POU6F2: variants seen among roughly 807,000 people sequenced by gnomAD.
POU6F2 encodes the protein POU domain, class 6, transcription factor 2.
POU6F2 carries 31 observed loss-of-function variants against 71.3 expected under a neutral mutation model. The observed-to-expected ratio is 0.43, with a 90% confidence interval of 0.33 to 0.59. The LOEUF (loss-of-function observed/expected upper bound fraction) is 0.59. Among genes scored for constraint, POU6F2 ranks in the 20% least tolerant of loss-of-function variants. POU6F2 has a pLI of 0.04. For missense variants in POU6F2, 783 were observed against 856.8 expected, an observed-to-expected ratio of 0.91 and a Z score of 1.07; for synonymous variants, 347 against 355.7, an observed-to-expected ratio of 0.98 and a Z score of 0.27.
chr7:39,217,586 T>C (rs1562751018), intron 4 of POU6F2, among the ~76,000 whole-genome samples: 1 of 152,230 alleles, frequency 6.6e-6, no homozygotes, highest in African/African-American at 2.4e-5. Context: ...TAGTATGCAA[T>C]GATACGTGGC....
chr7:39,317,860 T>A (rs1442912917), intron 4 of POU6F2, among the ~76,000 whole-genome samples: 2 of 152,170 alleles, frequency 1.3e-5, no homozygotes, highest in Non-Finnish European at 2.9e-5. Context: ...GTTTGATGAG[T>A]TCCAAGGACC....
At chr7:39,085,643 T>TG in intron 1 of POU6F2, 1 of 429,082 alleles carries the variant, frequency 2.3e-6, no homozygotes, top group Non-Finnish European at 4.2e-6. Context: ...TTTAATAGGG[T>TG]GGGGAGTAAT....
chr7:39,356,459 A>T (rs925537529), intron 5 of POU6F2, among the ~76,000 whole-genome samples: 1 of 151,870 alleles, frequency 6.6e-6, no homozygotes, highest in Non-Finnish European at 1.5e-5. Flanking sequence ...ACTTTCCTGA[A>T]CTCGTATATT....
At chr7:39,357,422 C>T (rs1342981826) in intron 5 of POU6F2, among the ~76,000 whole-genome samples, 3 of 152,198 alleles carry the variant, frequency 2.0e-5, no homozygotes, top group African/African-American at 7.2e-5. Context: ...AAGCTGGTAA[C>T]TCATCAAAAG....
At chr7:39,353,611 T>TAA (rs1786189221) in intron 5 of POU6F2, among the ~76,000 whole-genome samples, 7 of 152,208 alleles carry the variant, frequency 4.6e-5, no homozygotes, top group Non-Finnish European at 2.9e-5. Flanking sequence ...AAACATGACA[T>TAA]TGTCTAGGGC....
chr7:39,320,585 AAT>A (rs1785367054), intron 4 of POU6F2, among the ~76,000 whole-genome samples: 3 of 152,166 alleles, frequency 2.0e-5, no homozygotes. Flanking sequence ...AACAACTATT[AAT>A]ATAAAAGACA....
At chr7:39,236,765 C>G (rs574268404) in intron 4 of POU6F2, among the ~76,000 whole-genome samples, 3 of 151,950 alleles carry the variant, frequency 2.0e-5, no homozygotes, top group Non-Finnish European at 4.4e-5. Context: ...GGAAACTACC[C>G]AACTCACAGA....
chr7:39,236,342 G>T (rs80178876), intron 4 of POU6F2, among the ~76,000 whole-genome samples: 3 of 152,116 alleles, frequency 2.0e-5, no homozygotes, highest in Non-Finnish European at 4.4e-5. Context: ...ATACATTTCA[G>T]TACCTGTCAT....
At chr7:39,057,779 C>T (rs1357318612) in intron 1 of POU6F2, among the ~76,000 whole-genome samples, 2 of 152,134 alleles carry the variant, frequency 1.3e-5, no homozygotes, top group East Asian at 3.8e-4. Flanking sequence ...GTTGACAGTT[C>T]TCCAAGTAAT....
chr7:39,275,163 G>A (rs1214402481), intron 4 of POU6F2, among the ~76,000 whole-genome samples: 10 of 152,168 alleles, frequency 6.6e-5, no homozygotes, highest in Admixed American at 6.5e-4. Flanking sequence ...CATTGTCTCA[G>A]CCCAAAATCT....
intron 5 of POU6F2, among the ~76,000 whole-genome samples, chr7:39,386,283 G>T (rs971114567): frequency 1.3e-5 from 2 of 151,926 alleles, no homozygotes; most frequent in African/African-American, 4.8e-5. Context: ...CAATCCCAAG[G>T]TCCCTCCTCC....
intron 2 of POU6F2, among the ~76,000 whole-genome samples, chr7:39,117,738 G>A (rs1026703723): frequency 6.6e-6 from 1 of 152,116 alleles, no homozygotes; most frequent in Non-Finnish European, 1.5e-5. Flanking sequence ...GAAAGTAAGA[G>A]GACTGGTTGA....
intron 4 of POU6F2, among the ~76,000 whole-genome samples, chr7:39,223,836 C>T (rs768420404): frequency 1.3e-5 from 2 of 152,134 alleles, no homozygotes; most frequent in Non-Finnish European, 1.5e-5. Context: ...TATTCTAACT[C>T]TTGTTTTACT....
intron 5 of POU6F2, among the ~76,000 whole-genome samples, chr7:39,348,359 A>G (rs542819399): frequency 8.3e-4 from 127 of 152,176 alleles, no homozygotes; most frequent in Non-Finnish European, 1.5e-3. Flanking sequence ...CTTTAAACCC[A>G]TTTTTATATA....
chr7:39,464,791 G>T lies in POU6F2; in HGVS notation c.*105G>T, dbSNP rs988300114. 6.8e-6 allele frequency: 9 copies of T among 1,316,588 alleles called. No homozygotes were observed. The highest frequency in any genetic ancestry group is 9.1e-6 in the Non-Finnish European group (9 of 988,100). The allele number at this position is 1,316,588 out of a possible 1,614,324, so 81.6% of individuals were successfully genotyped here. A position where few individuals can be genotyped will look rare whatever the true frequency, so the allele number is the denominator to read the frequency against. Reference sequence around the variant, plus strand: ...CAAAATTTAATTTAATTTAAAAATAGCCCCAGTCGTCATCACCCTTGTAAG... The same window carrying T: ...CAAAATTTAATTTAATTTAAAAATATCCCCAGTCGTCATCACCCTTGTAAG... On this transcript the variant is annotated 3_prime_UTR_variant, in exon 10 of 10. Coordinates refer to ENST00000518318, the MANE Select transcript of POU6F2 (RefSeq NM_001370959.1). The surrounding 1 kb of genome is among the most constrained non-coding windows in gnomAD (Gnocchi z 4.1).
intron 1 of POU6F2, among the ~76,000 whole-genome samples, chr7:39,022,807 C>T (rs913465470): frequency 6.6e-6 from 1 of 151,982 alleles, no homozygotes; most frequent in Non-Finnish European, 1.5e-5. Context: ...TATGAATAGG[C>T]TGCTATGAAC....
chr7:39,008,897 C>G (rs1454078650), intron 1 of POU6F2, among the ~76,000 whole-genome samples: 1 of 149,884 alleles, frequency 6.7e-6, no homozygotes, highest in African/African-American at 2.4e-5. Context: ...TGTTTTGGTA[C>G]CAGTACCATG....
At chr7:39,402,580 A>G (rs898989095) in intron 5 of POU6F2, among the ~76,000 whole-genome samples, 10 of 152,116 alleles carry the variant, frequency 6.6e-5, no homozygotes, top group African/African-American at 2.4e-4. Flanking sequence ...TACTATAAAT[A>G]AGGTAATGTC....
chr7:39,224,795 A>G (rs1205555157), intron 4 of POU6F2, among the ~76,000 whole-genome samples: 1 of 152,238 alleles, frequency 6.6e-6, no homozygotes, highest in Admixed American at 6.5e-5. Flanking sequence ...GCACAGAAAA[A>G]GGACATGCCT....
Sources: gnomAD v4.1 joint callset for allele counts (sites outside exome capture counted in the v4.1 genomes callset) on GRCh38, gnomAD v4.1.1 for gene constraint, Gnocchi (gnomAD v3.1) non-coding constraint, MANE v1.5 for transcripts, NCBI Gene and HGNC (gene_info 2026-07-23, HGNC 2026-07-21) for gene names.